SGCZ: variants seen among roughly 807,000 people sequenced by gnomAD.
SGCZ encodes sarcoglycan zeta, also known as zeta-sarcoglycan.
In SGCZ, 40 loss-of-function variants were observed where a neutral mutation model predicts 41.3. The ratio of observed to expected loss-of-function variants is 0.97; its 90% CI spans 0.75 to 1.26. The LOEUF (loss-of-function observed/expected upper bound fraction) is 1.26, where lower values mean the gene tolerates loss of function less well. Among genes scored for constraint, SGCZ ranks in the 50% most tolerant of loss-of-function variants. SGCZ has a pLI of 0.00. For synonymous variants in SGCZ, 206 were observed against 137.5 expected (o/e 1.50, Z -3.49); for missense variants, 552 against 369.8 (o/e 1.49, Z -4.04).
chr8:14,457,693 T>C lies in SGCZ; in HGVS notation c.234+97039A>G, dbSNP rs149871133. Among the ~76,000 whole-genome samples the C allele has an allele frequency of 3.4e-3, 516 of 152,322 alleles. 26 individuals carry two copies. In the East Asian group the frequency reaches 0.08, roughly 24 times the overall value. On this transcript the variant is annotated intron_variant, in intron 2 of 7. Transcript: ENST00000382080. ...TGCAGAAATAATGGGGTAAGCTGTC[T>C]TTCTCTTTGTCTCCTCTCCCTCTCT... is the stretch of plus-strand genomic sequence containing the variant.
At chr8:14,271,144 A>T (rs1800045361) in intron 3 of SGCZ, among the ~76,000 whole-genome samples, 1 of 152,100 alleles carries the variant, frequency 6.6e-6, no homozygotes, top group South Asian at 2.1e-4. Flanking sequence ...ACATGTATAC[A>T]TATGTAACTA....
chr8:15,114,997 T>C (rs767532358), intron 1 of SGCZ, among the ~76,000 whole-genome samples: 2 of 152,180 alleles, frequency 1.3e-5, no homozygotes, highest in African/African-American at 2.4e-5. Context: ...AATAGTACAT[T>C]AGTTATGATA....
chr8:14,655,992 A>G (rs1807555619), intron 1 of SGCZ, among the ~76,000 whole-genome samples: 1 of 152,072 alleles, frequency 6.6e-6, no homozygotes, highest in African/African-American at 2.4e-5. Flanking sequence ...CAGGCTGTTG[A>G]ACTACTCACC....
chr8:14,434,670 A>T (rs1800037163), intron 2 of SGCZ, among the ~76,000 whole-genome samples: 1 of 152,134 alleles, frequency 6.6e-6, no homozygotes, highest in African/African-American at 2.4e-5. Context: ...TATTCCTTGT[A>T]GGGGTCTTTT....
At chr8:14,522,875 A>G (rs1802831817) in intron 2 of SGCZ, among the ~76,000 whole-genome samples, 1 of 151,564 alleles carries the variant, frequency 6.6e-6, no homozygotes, top group Non-Finnish European at 1.5e-5. Flanking sequence ...TTTTCTTCTC[A>G]ATATTATTTT....
intron 1 of SGCZ, among the ~76,000 whole-genome samples, chr8:15,013,167 G>T (rs879842897): frequency 2.0e-5 from 3 of 152,100 alleles, no homozygotes; most frequent in Non-Finnish European, 4.4e-5. Flanking sequence ...TCCCTTATTT[G>T]ATTATTTGAT....
intron 1 of SGCZ, among the ~76,000 whole-genome samples, chr8:14,615,322 C>A (rs934154139): frequency 1.3e-5 from 2 of 152,154 alleles, no homozygotes; most frequent in Admixed American, 1.3e-4. Context: ...TCACACCAGC[C>A]CCAAATAAGG....
intron 4 of SGCZ, among the ~76,000 whole-genome samples, chr8:14,230,763 T>TGGGG (rs199840948): frequency 2.4e-5 from 3 of 126,690 alleles, no homozygotes; most frequent in Non-Finnish European, 5.3e-5. Context: ...TTTTTGGTGG[T>TGGGG]GGTGGGGGGG....
chr8:14,123,991 G>A (rs773301985), intron 5 of SGCZ, among the ~76,000 whole-genome samples: 3 of 152,082 alleles, frequency 2.0e-5, no homozygotes, highest in Admixed American at 6.6e-5. Flanking sequence ...TAGAGGAAGG[G>A]CCAAGAGCTA....
At chr8:15,121,327 T>C (rs904472189) in intron 1 of SGCZ, among the ~76,000 whole-genome samples, 1 of 152,216 alleles carries the variant, frequency 6.6e-6, no homozygotes, top group Non-Finnish European at 1.5e-5. Flanking sequence ...CAAATGACAT[T>C]TCTTTTAGGC....
chr8:14,975,809 A>ATATATATGTG (rs1181919961), intron 1 of SGCZ, among the ~76,000 whole-genome samples: 3 of 131,898 alleles, frequency 2.3e-5, no homozygotes, highest in African/African-American at 1.0e-4. Context: ...ATATATATAT[A>ATATATATGTG]TGTGTGTGTG....
At chr8:14,647,838 A>T (rs1807272543) in intron 1 of SGCZ, among the ~76,000 whole-genome samples, 1 of 152,206 alleles carries the variant, frequency 6.6e-6, no homozygotes, top group Non-Finnish European at 1.5e-5. Context: ...CAGTGTTCTC[A>T]TCTGTAAGTT....
At chr8:14,173,539 G>C (rs1030967052) in intron 4 of SGCZ, among the ~76,000 whole-genome samples, 5 of 152,086 alleles carry the variant, frequency 3.3e-5, no homozygotes, top group Non-Finnish European at 2.9e-5. Context: ...TAGTGAACTT[G>C]AAAAGGTGTG....
intron 1 of SGCZ, among the ~76,000 whole-genome samples, chr8:14,874,580 G>A (rs1804278797): frequency 6.6e-6 from 1 of 152,066 alleles, no homozygotes; most frequent in Non-Finnish European, 1.5e-5. Context: ...ATATTAATAT[G>A]TAGATTCTCT....
intron 3 of SGCZ, among the ~76,000 whole-genome samples, chr8:14,274,691 C>G (rs999153832): frequency 2.0e-5 from 3 of 151,962 alleles, no homozygotes; most frequent in African/African-American, 7.3e-5. Context: ...CTCAAATGTG[C>G]CCTTTCTTCA....
intron 1 of SGCZ, among the ~76,000 whole-genome samples, chr8:15,100,753 A>C (rs1806577882): frequency 6.6e-6 from 1 of 152,152 alleles, no homozygotes; most frequent in Non-Finnish European, 1.5e-5. Context: ...GAGGCCAAAC[A>C]CGGAGAATCA....
chr8:14,462,150 C>A (rs550410667), intron 2 of SGCZ, among the ~76,000 whole-genome samples: 1 of 151,952 alleles, frequency 6.6e-6, no homozygotes, highest in African/African-American at 2.4e-5. Context: ...CATTGTGACA[C>A]TCAATTGCAC....
intron 2 of SGCZ, among the ~76,000 whole-genome samples, chr8:14,427,340 A>C (rs548882169): frequency 6.6e-6 from 1 of 152,300 alleles, no homozygotes; most frequent in Admixed American, 6.5e-5. Flanking sequence ...TAAAAGGGAA[A>C]AACAAAATAA....
At chr8:14,668,926 G>T (rs1038674735) in intron 1 of SGCZ, among the ~76,000 whole-genome samples, 1 of 102,938 alleles carries the variant, frequency 9.7e-6, no homozygotes, top group African/African-American at 5.3e-5. Flanking sequence ...TCTTGTGTGT[G>T]TGTGTGTGTA....
Sources: allele counts gnomAD v4.1 joint callset (sites outside exome capture counted in the v4.1 genomes callset), GRCh38; gene constraint gnomAD v4.1.1; transcripts MANE v1.5; gene names NCBI Gene and HGNC (gene_info 2026-07-23, HGNC 2026-07-21).